Variants in LEPR observed in about 807,000 individuals in gnomAD.
The protein encoded by LEPR is leptin receptor, also known as OB receptor.
A neutral mutation model predicts 114.7 loss-of-function variants in LEPR; 56 were observed. The observed-to-expected ratio is 0.49, with a 90% confidence interval of 0.39 to 0.61. The LOEUF (loss-of-function observed/expected upper bound fraction) is 0.61. Ranked by LOEUF, LEPR falls within the 20% of genes least tolerant of loss-of-function variation. LEPR has a pLI of 0.00. For missense variants in LEPR, 1,202 were observed against 1,352.9 expected, an observed-to-expected ratio of 0.89 and a Z score of 1.75; for synonymous variants, 443 against 461.4, an observed-to-expected ratio of 0.96 and a Z score of 0.51.
At chr1:65,595,985 A>G (rs1288058733) in intron 6 of LEPR, among the ~76,000 whole-genome samples, 1 of 151,986 alleles carries the variant, frequency 6.6e-6, no homozygotes, top group Non-Finnish European at 1.5e-5. Flanking sequence ...TGTCTAGATT[A>G]TAGTGATCTA....
At chr1:65,503,242 C>T (rs553555798) in intron 2 of LEPR, among the ~76,000 whole-genome samples, 6 of 152,200 alleles carry the variant, frequency 3.9e-5, no homozygotes, top group South Asian at 4.1e-4. Context: ...GGGTACTCAA[C>T]GCCATGCATT....
intron 2 of LEPR, among the ~76,000 whole-genome samples, chr1:65,558,301 C>T (rs531617318): frequency 2.6e-5 from 4 of 152,130 alleles, no homozygotes; most frequent in Non-Finnish European, 2.9e-5. Context: ...GTATAAAGAA[C>T]AAAAATTCTG....
intron 14 of LEPR, among the ~76,000 whole-genome samples, chr1:65,615,436 A>G (rs1657469587): frequency 1.3e-5 from 2 of 152,302 alleles, no homozygotes; most frequent in South Asian, 4.1e-4. Context: ...CTGGGGTGCC[A>G]TAGACACTGT....
intron 2 of LEPR, among the ~76,000 whole-genome samples, chr1:65,542,678 T>G (rs897648884): frequency 4.6e-5 from 7 of 151,944 alleles, no homozygotes; most frequent in Non-Finnish European, 8.8e-5. Context: ...GTGTTCTCAT[T>G]GTTCAACTCC....
At chr1:65,455,856 C>T (rs1011723102) in intron 2 of LEPR, among the ~76,000 whole-genome samples, 1 of 152,230 alleles carries the variant, frequency 6.6e-6, no homozygotes, top group Non-Finnish European at 1.5e-5. Flanking sequence ...CAAGCCTGGA[C>T]AATGGTGGGC....
chr1:65,551,830 C>T (rs1203129990), intron 2 of LEPR, among the ~76,000 whole-genome samples: 1 of 152,124 alleles, frequency 6.6e-6, no homozygotes, highest in Non-Finnish European at 1.5e-5. Context: ...CCTGCTTTCT[C>T]TTGTGGGCAT....
chr1:65,546,189 C>CTGTTTTGGTTCCAGTACT (rs1651702780), intron 2 of LEPR, among the ~76,000 whole-genome samples: 1 of 152,078 alleles, frequency 6.6e-6, no homozygotes, highest in South Asian at 2.1e-4. Context: ...GTACCAGTAC[C>CTGTTTTGGTTCCAGTACT]GTGCTGTTTT....
intron 2 of LEPR, among the ~76,000 whole-genome samples, chr1:65,440,748 G>T (rs1387031573): frequency 6.6e-6 from 1 of 152,212 alleles, no homozygotes; most frequent in Non-Finnish European, 1.5e-5. Context: ...GCAGGTCATT[G>T]TAAGGCGTCG....
chr1:65,454,068 G>T (rs1427543127), intron 2 of LEPR, among the ~76,000 whole-genome samples: 2 of 150,696 alleles, frequency 1.3e-5, no homozygotes, highest in Non-Finnish European at 1.5e-5. Flanking sequence ...ATCTTTGTTG[G>T]TTTAAAGTCT....
chr1:65,556,634 A>T (rs540654538), intron 2 of LEPR, among the ~76,000 whole-genome samples: 3 of 152,294 alleles, frequency 2.0e-5, no homozygotes, highest in Admixed American at 2.0e-4. Context: ...CTATTATGCC[A>T]GATTCTCAAA....
At chr1:65,571,663 A>G (rs1570722248) in intron 4 of LEPR, among the ~76,000 whole-genome samples, 1 of 151,422 alleles carries the variant, frequency 6.6e-6, no homozygotes, top group African/African-American at 2.4e-5. Context: ...TTAAAAAAAA[A>G]AAAAAAAGGC....
At chr1:65,538,432 C>T (rs926238943) in intron 2 of LEPR, among the ~76,000 whole-genome samples, 5 of 152,140 alleles carry the variant, frequency 3.3e-5, no homozygotes, top group African/African-American at 9.6e-5. Context: ...ACCACGATTT[C>T]CTGAATGTGT....
chr1:65,637,213 A>G lies in LEPR; in HGVS notation c.*198A>G. The stretch of plus-strand genomic sequence containing the variant: ...AGCCTTCATAAGCCTACCAATGTAG[A>G]CACGCTCTTCTATTTTATTCCCAAG... On this transcript the variant is annotated 3_prime_UTR_variant, in exon 20 of 20. Coordinates refer to ENST00000349533, the MANE Select transcript of LEPR (RefSeq NM_002303.6). 1 of 519,622 alleles carries G rather than the reference A, an allele frequency of 1.9e-6. No homozygotes were observed. Among genetic ancestry groups the G allele is most frequent in the Non-Finnish European group, 3.3e-6 (1 of 302,240 alleles). 32.2% of individuals were successfully genotyped at this position (519,622 alleles called of 1,614,324 possible).
At chr1:65,443,565 C>T (rs895052928) in intron 2 of LEPR, among the ~76,000 whole-genome samples, 2 of 151,626 alleles carry the variant, frequency 1.3e-5, no homozygotes, top group Non-Finnish European at 2.9e-5. Flanking sequence ...AAAAGATATA[C>T]TATATTTAAA....
rs1657051263 is a variant in LEPR, at chr1:65,609,812, CT to C, written c.1753-134del. 3 of 1,267,836 alleles carry C rather than the reference CT, an allele frequency of 2.4e-6. No homozygotes were observed. In the Admixed American group the frequency reaches 5.4e-5, roughly 23 times the overall value. The allele number at this position is 1,267,836 out of a possible 1,614,324, so 78.5% of individuals were successfully genotyped here. A position where few individuals can be genotyped will look rare whatever the true frequency, so the allele number is the denominator to read the frequency against. ...AATCCAAGCCTAATTGTGACTATTT[CT>C]GAAGGCAGAGAACACAGAATCAGTT... On this transcript the variant is annotated intron_variant, in intron 12 of 19. Transcript: ENST00000349533.
intron 19 of LEPR, chr1:65,626,272 G>T (rs1658210179): frequency 7.6e-7 from 1 of 1,311,754 alleles, no homozygotes. Flanking sequence ...TATACAAGTA[G>T]ATTGAAATAT....
intron 2 of LEPR, chr1:65,432,162 G>C (rs999621499): frequency 1.7e-6 from 2 of 1,150,030 alleles, no homozygotes; most frequent in African/African-American, 3.3e-5. Flanking sequence ...ATGTAGTCAC[G>C]GTGCTCTCAG....
intron 5 of LEPR, among the ~76,000 whole-genome samples, chr1:65,582,632 G>A (rs756994179): frequency 6.6e-6 from 1 of 152,316 alleles, no homozygotes; most frequent in South Asian, 2.1e-4. Flanking sequence ...CTACCAGGCT[G>A]CCTGTATCAG....
At chr1:65,586,988 ATAGAGT>A (rs1655357592) in intron 5 of LEPR, among the ~76,000 whole-genome samples, 1 of 150,790 alleles carries the variant, frequency 6.6e-6, no homozygotes, top group African/African-American at 2.4e-5. Context: ...TGAGGAAACC[ATAGAGT>A]TAATCTGATT....
Sources: allele counts gnomAD v4.1 joint callset (sites outside exome capture counted in the v4.1 genomes callset), GRCh38; gene constraint gnomAD v4.1.1; transcripts MANE v1.5; gene names NCBI Gene and HGNC (gene_info 2026-07-23, HGNC 2026-07-21).